RPS6KC1: variants seen among roughly 807,000 people sequenced by gnomAD.
RPS6KC1 encodes the protein inactive ribosomal protein S6 kinase delta-1.
Under a neutral mutation model 103.8 loss-of-function variants are expected in RPS6KC1, and 54 were observed. The ratio of observed to expected loss-of-function variants is 0.52; its 90% confidence interval spans 0.42 to 0.65. RPS6KC1 has a LOEUF of 0.65. RPS6KC1 is among the 30% of genes least tolerant of loss of function. The probability of loss-of-function intolerance (pLI) is 0.00; values close to 1 mark genes in which losing one functional copy is unlikely to be tolerated. For synonymous variants in RPS6KC1, 439 were observed against 438.7 expected, an observed-to-expected ratio of 1.00 and a Z score of -0.01; for missense variants, 1,151 against 1,253.8, an observed-to-expected ratio of 0.92 and a Z score of 1.24.
chr1:213,741,222 T>C, the RPS6KC1 span, among the ~76,000 whole-genome samples: 1 of 151,880 alleles, frequency 6.6e-6, no homozygotes, highest in Non-Finnish European at 1.5e-5. Context: ...AATATATTCA[T>C]CACTTCACAT....
At chr1:213,550,654 C>T in the RPS6KC1 span, among the ~76,000 whole-genome samples, 1 of 152,122 alleles carries the variant, frequency 6.6e-6, no homozygotes, top group Admixed American at 6.5e-5. Context: ...TAACATTAGC[C>T]CTGACTTTTG....
At chr1:213,091,622 C>A (rs181992179) in intron 3 of RPS6KC1, among the ~76,000 whole-genome samples, 178 of 152,256 alleles carry the variant, frequency 1.2e-3, no homozygotes, top group Admixed American at 5.6e-3. Context: ...TTTGTAAACA[C>A]TTACCCATTT....
At chr1:213,540,502 T>C in the RPS6KC1 span, among the ~76,000 whole-genome samples, 1 of 152,124 alleles carries the variant, frequency 6.6e-6, no homozygotes, top group Non-Finnish European at 1.5e-5. Context: ...TACCACCATG[T>C]CTGGCTGATT....
At chr1:213,796,552 G>A in the RPS6KC1 span, among the ~76,000 whole-genome samples, 2 of 152,104 alleles carry the variant, frequency 1.3e-5, no homozygotes, top group African/African-American at 4.8e-5. Flanking sequence ...AATATTCATA[G>A]CAAAAGGTAC....
chr1:213,389,858 T>C, the RPS6KC1 span, among the ~76,000 whole-genome samples: 1 of 152,180 alleles, frequency 6.6e-6, no homozygotes, highest in African/African-American at 2.4e-5. Context: ...CTTTAGGGTT[T>C]TTTTTCATCC....
the RPS6KC1 span, among the ~76,000 whole-genome samples, chr1:213,682,352 C>G: frequency 2.0e-4 from 31 of 152,364 alleles, no homozygotes; most frequent in Admixed American, 1.8e-3. Flanking sequence ...TCTACCCCAG[C>G]ATTCATTCAA....
chr1:213,720,591 G>A, the RPS6KC1 span, among the ~76,000 whole-genome samples: 1 of 152,182 alleles, frequency 6.6e-6, no homozygotes, highest in African/African-American at 2.4e-5. Flanking sequence ...AATAAAAAAT[G>A]TCAGGAGAAC....
At chr1:213,625,107 C>T in the RPS6KC1 span, among the ~76,000 whole-genome samples, 1 of 151,994 alleles carries the variant, frequency 6.6e-6, no homozygotes, top group African/African-American at 2.4e-5. Flanking sequence ...CTCAGCCTCC[C>T]GAGTAGCCCG....
intron 6 of RPS6KC1, among the ~76,000 whole-genome samples, chr1:213,163,273 T>C (rs1301627623): frequency 2.0e-5 from 3 of 152,366 alleles, no homozygotes; most frequent in African/African-American, 4.8e-5. Flanking sequence ...GTTCTTTCTA[T>C]TGTGATAAAT....
chr1:213,232,029 G>T (rs2094115390), intron 9 of RPS6KC1, 94 bp from the exon 10 acceptor site: 4 of 1,483,468 alleles, frequency 2.7e-6, no homozygotes. Context: ...AACTCGGATA[G>T]ATTAGTTTGG....
intron 8 of RPS6KC1, among the ~76,000 whole-genome samples, chr1:213,230,226 A>C (rs938331318): frequency 3.9e-5 from 6 of 152,204 alleles, no homozygotes. Flanking sequence ...TATTTCCTTT[A>C]CTTCTAAGAA....
chr1:213,823,182 G>C, the RPS6KC1 span, among the ~76,000 whole-genome samples: 2 of 152,118 alleles, frequency 1.3e-5, no homozygotes, highest in Non-Finnish European at 2.9e-5. Context: ...CCCTGGAAAA[G>C]CTTTCATAGA....
chr1:213,226,658 G>A (rs548894023), intron 8 of RPS6KC1, among the ~76,000 whole-genome samples: 18 of 151,800 alleles, frequency 1.2e-4, no homozygotes, highest in African/African-American at 4.1e-4. Context: ...TCAGTTCATT[G>A]TACAGTGAAC....
chr1:213,229,145 A>G (rs960900430), intron 8 of RPS6KC1, among the ~76,000 whole-genome samples: 1 of 152,154 alleles, frequency 6.6e-6, no homozygotes, highest in Non-Finnish European at 1.5e-5. Context: ...AGAATATTGT[A>G]TTGAAATTAA....
chr1:213,585,907 C>A, the RPS6KC1 span, among the ~76,000 whole-genome samples: 1 of 152,176 alleles, frequency 6.6e-6, no homozygotes, highest in Non-Finnish European at 1.5e-5. Context: ...CTCAGGGCTT[C>A]TCAGCTTCAA....
chr1:213,364,365 T>G, the RPS6KC1 span, among the ~76,000 whole-genome samples: 1 of 152,160 alleles, frequency 6.6e-6, no homozygotes, highest in Non-Finnish European at 1.5e-5. Flanking sequence ...TATGAAATAG[T>G]GGAACTGGAT....
the RPS6KC1 span, among the ~76,000 whole-genome samples, chr1:213,649,370 C>T: frequency 6.6e-6 from 1 of 152,012 alleles, no homozygotes; most frequent in African/African-American, 2.4e-5. Context: ...TCTTCTGCTT[C>T]TCAACAGCCT....
the RPS6KC1 span, chr1:213,822,006 A>C: frequency 6.6e-6 from 1 of 152,222 alleles, no homozygotes; most frequent in Admixed American, 6.5e-5. Flanking sequence ...CTCCAAAATC[A>C]AACCATCAAG....
the RPS6KC1 span, among the ~76,000 whole-genome samples, chr1:213,814,165 G>A: frequency 6.6e-6 from 1 of 152,374 alleles, no homozygotes; most frequent in East Asian, 1.9e-4. Flanking sequence ...CAGCTGGCAT[G>A]TATCCTTTGC....
Sources: gnomAD v4.1 joint callset for allele counts (sites outside exome capture counted in the v4.1 genomes callset) on GRCh38, gnomAD v4.1.1 for gene constraint, MANE v1.5 for transcripts, NCBI Gene and HGNC (gene_info 2026-07-23, HGNC 2026-07-21) for gene names.